MTG1: variants seen among roughly 807,000 people sequenced by gnomAD.
MTG1 encodes mitochondrial ribosome associated GTPase 1.
Under a neutral mutation model 39.5 loss-of-function variants are expected in MTG1, and 30 were observed. The ratio of observed to expected loss-of-function variants is 0.76; its 90% CI spans 0.57 to 1.03. The LOEUF (loss-of-function observed/expected upper bound fraction) is 1.03, where lower values mean the gene tolerates loss of function less well. Among genes scored for constraint, MTG1 ranks in the 50% least tolerant of loss-of-function variants. The pLI is 0.00. For missense variants in MTG1, 513 were observed against 447.4 expected (o/e 1.15, Z -1.32); for synonymous variants, 217 against 179.0 (o/e 1.21, Z -1.69).
intron 1 of MTG1, among the ~76,000 whole-genome samples, chr10:133,395,327 GGAGGTTGCAGTGAGCC>G (rs1165519494): frequency 6.6e-6 from 1 of 152,182 alleles, no homozygotes; most frequent in East Asian, 1.9e-4. Context: ...CCTGGCAGGC[GGAGGTTGCAGTGAGCC>G]GAGATCGTGC....
intron 10 of MTG1, 83 bp from the exon 11 acceptor site, chr10:133,419,943 T>A: frequency 6.8e-7 from 1 of 1,478,470 alleles, no homozygotes; most frequent in Non-Finnish European, 9.2e-7. Flanking sequence ...TGGAGCCTCT[T>A]AGGGCTGGTC....
intron 9 of MTG1, among the ~76,000 whole-genome samples, chr10:133,418,753 C>T (rs1850174876): frequency 6.6e-6 from 1 of 152,154 alleles, no homozygotes; most frequent in Admixed American, 6.5e-5. Context: ...TCCCCTCACC[C>T]CTGGCTGTCA....
At chr10:133,404,619 A>C (rs1475016678) in intron 9 of MTG1, among the ~76,000 whole-genome samples, 2 of 152,192 alleles carry the variant, frequency 1.3e-5, no homozygotes, top group East Asian at 3.9e-4. Context: ...TATCTAAGAA[A>C]TCTTTGCTTA....
At chr10:133,396,878 G>A (rs571437775) in intron 3 of MTG1, among the ~76,000 whole-genome samples, 2 of 152,218 alleles carry the variant, frequency 1.3e-5, no homozygotes, top group Non-Finnish European at 2.9e-5. Flanking sequence ...TAACGCCAGT[G>A]TCTGGGAAGA....
chr10:133,394,286 G>C lies in MTG1; in HGVS notation c.66G>C (p.Leu22=), dbSNP rs770319938. 6.6e-7 allele frequency: 1 copy of C among 1,517,062 alleles called. No individual in the cohort carries two copies. The highest frequency in any genetic ancestry group is 8.8e-7 in the Non-Finnish European group (1 of 1,136,928). The allele number at this position is 1,517,062 out of a possible 1,614,324, so 94.0% of individuals were successfully genotyped here. A position where few individuals can be genotyped will look rare whatever the true frequency, so the allele number is the denominator to read the frequency against. ...CCGCCTGGCGGGAGAACTTCCCCCT[G>C]TGCGGTCGCGACGTGGCGCGCTGGT... ...AQAAWRENFP[L]CGRDVARWFP... The change falls in exon 1 of 11, where the codon CTG becomes CTC. Residue 22 remains leucine (L), a synonymous_variant. Transcript: ENST00000317502.
chr10:133,406,570 T>G (rs1003754519), intron 9 of MTG1, among the ~76,000 whole-genome samples: 1 of 152,102 alleles, frequency 6.6e-6, no homozygotes, highest in Admixed American at 6.5e-5. Flanking sequence ...TTTTGAGGTC[T>G]TATACAAAAA....
chr10:133,406,520 C>CTAT (rs935014078), intron 9 of MTG1, among the ~76,000 whole-genome samples: 23 of 151,458 alleles, frequency 1.5e-4, no homozygotes, highest in East Asian at 3.9e-4. Flanking sequence ...TTACATTTGC[C>CTAT]TATTATTATT....
intron 9 of MTG1, among the ~76,000 whole-genome samples, chr10:133,409,527 A>C (rs772673588): frequency 2.6e-5 from 4 of 152,148 alleles, no homozygotes; most frequent in Non-Finnish European, 5.9e-5. Context: ...ATGTTCTGTA[A>C]ATGTCAGTTA....
chr10:133,401,302 C>T (rs769519857), intron 6 of MTG1: 20 of 457,042 alleles, frequency 4.4e-5, no homozygotes, highest in Non-Finnish European at 6.9e-5. Flanking sequence ...TGGTTTGTGA[C>T]TGAAAGTGAA....
intron 9 of MTG1, among the ~76,000 whole-genome samples, chr10:133,408,527 G>A (rs534616282): frequency 1.4e-4 from 21 of 152,208 alleles, no homozygotes; most frequent in African/African-American, 3.6e-4. Flanking sequence ...TTTTTCTGCC[G>A]TATCCTTGTC....
intron 9 of MTG1, among the ~76,000 whole-genome samples, chr10:133,404,129 C>CTTTTTTTTTTTTTTT (rs57165977): frequency 5.5e-5 from 5 of 91,172 alleles, no homozygotes; most frequent in Admixed American, 1.5e-4. Flanking sequence ...AAGTTTTAAT[C>CTTTTTTTTTTTTTTT]TTTTTTTTTT....
At chr10:133,411,441 G>C (rs1392875939) in intron 9 of MTG1, among the ~76,000 whole-genome samples, 2 of 152,118 alleles carry the variant, frequency 1.3e-5, no homozygotes, top group East Asian at 3.8e-4. Context: ...GGTTAAATCT[G>C]TTTGGTGATC....
intron 9 of MTG1, among the ~76,000 whole-genome samples, chr10:133,418,501 T>G (rs1850170327): frequency 6.6e-6 from 1 of 152,016 alleles, no homozygotes; most frequent in Non-Finnish European, 1.5e-5. Context: ...TGGGACAGCT[T>G]TTTTGGAGCA....
chr10:133,398,420 T>C lies in MTG1; in HGVS notation c.283-15T>C, dbSNP rs1451378107. 1.2e-6 allele frequency: 2 copies of C among 1,609,936 alleles called. No individual in the cohort carries two copies. Among genetic ancestry groups the C allele is most frequent in the Admixed American group, 3.4e-5 (2 of 58,914 alleles). On this transcript the variant is annotated splice_polypyrimidine_tract_variant and intron_variant, in intron 3 of 10. Coordinates refer to ENST00000317502, the MANE Select transcript of MTG1 (RefSeq NM_138384.4). ...CAGTAAAAAAAGTAACATAGAAATG[T>C]TTTGTGTCTTTCAGAAAATTATGCA...
chr10:133,416,028 G>A (rs1348084031), intron 9 of MTG1, among the ~76,000 whole-genome samples: 3 of 132,882 alleles, frequency 2.3e-5, no homozygotes, highest in Admixed American at 7.1e-5. Context: ...CGTGGGTGTC[G>A]GGCAGGCGGG....
chr10:133,399,603 G>A lies in MTG1; in HGVS notation c.495G>A (p.Arg165=). The change falls in exon 6 of 11, where the codon AGG becomes AGA. Residue 165 remains arginine, a synonymous_variant. Coordinates refer to ENST00000317502, the MANE Select transcript of MTG1 (RefSeq NM_138384.4). ...CCTCCCTCATCAACTCCCTCCGGAG[G>A]CAGCACCTCAGGAAAGGTACTGGCG... The part of the protein sequence containing the change: ...GKSSLINSLR[R]QHLRKGKATR... 6.2e-7 allele frequency: 1 copy of A among 1,614,190 alleles called. No homozygotes were observed. Among genetic ancestry groups the A allele is most frequent in the Non-Finnish European group, 8.5e-7 (1 of 1,180,030 alleles).
At chr10:133,399,073 A>C (rs901184745) in intron 4 of MTG1, 97 bp from the exon 5 acceptor site, 2 of 1,320,884 alleles carry the variant, frequency 1.5e-6, no homozygotes, top group Non-Finnish European at 2.2e-6. Context: ...AAGTGGAGAC[A>C]CTGGAATCCC....
chr10:133,411,927 A>G lies in MTG1; in HGVS notation c.753-7553A>G, dbSNP rs530558899. 7.2e-5 allele frequency among the ~76,000 whole-genome samples: 11 copies of G among 151,890 alleles called. No individual in the cohort carries two copies. The South Asian group carries it at 2.3e-3, about 32-fold the overall frequency. On this transcript the variant is annotated intron_variant, in intron 9 of 10. Coordinates refer to ENST00000317502, the MANE Select transcript of MTG1 (RefSeq NM_138384.4). Reference sequence around the variant, plus strand: ...TTGATTTGAGCGCTTACACGTTGCCATCTCATTAGGGTTGGCCACTGGCTC... The same window carrying G: ...TTGATTTGAGCGCTTACACGTTGCCGTCTCATTAGGGTTGGCCACTGGCTC...
At chr10:133,401,301 A>G (rs1015152861) in intron 6 of MTG1, 2 of 456,774 alleles carry the variant, frequency 4.4e-6, no homozygotes, top group East Asian at 7.6e-5. Flanking sequence ...CTGGTTTGTG[A>G]CTGAAAGTGA....
Sources: gnomAD v4.1 joint callset for allele counts (sites outside exome capture counted in the v4.1 genomes callset) on GRCh38, gnomAD v4.1.1 for gene constraint, MANE v1.5 for transcripts, NCBI Gene and HGNC (gene_info 2026-07-23, HGNC 2026-07-21) for gene names.